The following BTBD7 variants were observed in gnomAD, a reference collection of about 807,000 sequenced individuals.
BTBD7 encodes the protein BTB domain containing 7, also known as BTB/POZ domain-containing protein 7.
A neutral mutation model predicts 99.9 loss-of-function variants in BTBD7; 38 were observed. The observed-to-expected ratio is 0.38, with a 90% confidence interval of 0.29 to 0.50. BTBD7 has a LOEUF of 0.50. Ranked by LOEUF, BTBD7 falls within the 20% of genes least tolerant of loss-of-function variation. The pLI, the probability that BTBD7 is intolerant of heterozygous loss-of-function variation, is 0.93. For synonymous variants in BTBD7, 520 were observed against 511.4 expected (o/e 1.02, Z -0.23); for missense variants, 1,170 against 1,394.6 (o/e 0.84, Z 2.57).
chr14:93,322,846 G>A (rs1174661834), intron 1 of BTBD7, among the ~76,000 whole-genome samples: 1 of 152,176 alleles, frequency 6.6e-6, no homozygotes, highest in African/African-American at 2.4e-5. Context: ...GGGTGATGTG[G>A]CTCATGCCTA....
At chr14:93,295,623 T>C (rs1190313776) in intron 2 of BTBD7, among the ~76,000 whole-genome samples, 1 of 152,230 alleles carries the variant, frequency 6.6e-6, no homozygotes, top group Non-Finnish European at 1.5e-5. Flanking sequence ...AATGTTTCTT[T>C]TTCTTCTTAA....
In BTBD7 at chr14:93,296,017, C is replaced by T. The variant is rs756126969; in HGVS notation, c.35G>A (p.Cys12Tyr). 3 of 1,614,080 alleles carry T rather than the reference C, an allele frequency of 1.9e-6. No individual in the cohort carries two copies. In the East Asian group the frequency reaches 6.7e-5, roughly 36 times the overall value. Residue 12 changes from cysteine to tyrosine, a missense_variant, in exon 2 of 11, where the codon TGT (cysteine) becomes TAT (tyrosine). Cys to Tyr is a radical substitution (Grantham distance 194). Coordinates refer to ENST00000334746, the MANE Select transcript of BTBD7 (RefSeq NM_001002860.4). ...GANASNYPHS[C>Y]SPRVGGNSQA... ...TGAATTTCCCCCTACCCTCGGGGAA[C>T]ATGAATGAGGATAATTAGATGCATT... is the stretch of plus-strand genomic sequence containing the variant.
chr14:93,300,390 T>C (rs2139780546), intron 1 of BTBD7, among the ~76,000 whole-genome samples: 1 of 151,856 alleles, frequency 6.6e-6, no homozygotes, highest in South Asian at 2.1e-4. Context: ...CCTGAGTAGC[T>C]AGGATTACAG....
At position 93,242,746 on chromosome 14, in the gene BTBD7, C is replaced by A. The variant is rs768130508; in HGVS notation, c.2926G>T (p.Asp976Tyr). Residue 976 changes from aspartate to tyrosine, a missense_variant, in exon 11 of 11, where the codon GAT (aspartate) becomes TAT (tyrosine). Asp to Tyr is a radical substitution (Grantham distance 160). This residue lies in a region of BTBD7 where 495 missense variants were observed against 525.9 expected (regional missense o/e 0.94). Coordinates refer to ENST00000334746, the MANE Select transcript of BTBD7 (RefSeq NM_001002860.4). ...GATGCCTTATTGTGGCTGTACAGAT[C>A]GGGACCAAAATATCCACCTTGCGAA... is the stretch of plus-strand genomic sequence containing the variant. ...SPSQGGYFGP[D>Y]LYSHNKASPS... 6 of 1,614,138 alleles carry A rather than the reference C, an allele frequency of 3.7e-6. No individual in the cohort carries two copies. The highest frequency in any genetic ancestry group is 1.3e-5 in the African/African-American group (1 of 75,018).
chr14:93,261,015 C>T lies in BTBD7; in HGVS notation c.1447+587G>A, dbSNP rs145460341. On this transcript the variant is annotated intron_variant, in intron 5 of 10. Transcript: ENST00000334746. ...AAGTGATTCTCATGCCTCAGTCTCC[C>T]GAGTAGCTGGGAGTACAGGCGCGTG... 5.8e-3 allele frequency among the ~76,000 whole-genome samples: 887 copies of T among 152,244 alleles called. 12 individuals carry two copies. Among genetic ancestry groups the T allele is most frequent in the Middle Eastern group, 0.051 (15 of 294 alleles).
intron 1 of BTBD7, among the ~76,000 whole-genome samples, chr14:93,301,613 C>A (rs1039949246): frequency 1.3e-5 from 2 of 152,120 alleles, no homozygotes; most frequent in African/African-American, 2.4e-5. Flanking sequence ...TTGCTTGTGC[C>A]AGGAGTTCGA....
chr14:93,330,618 C>T (rs1369125567), intron 1 of BTBD7, among the ~76,000 whole-genome samples: 1 of 152,218 alleles, frequency 6.6e-6, no homozygotes, highest in Non-Finnish European at 1.5e-5. Context: ...ATGGCAAAAA[C>T]TGCAGTTACT....
At chr14:93,266,256 C>T (rs182949350) in intron 3 of BTBD7, among the ~76,000 whole-genome samples, 95 of 151,946 alleles carry the variant, frequency 6.3e-4, no homozygotes, top group Middle Eastern at 3.4e-3. Flanking sequence ...AGCATTGAGC[C>T]GTAATCAAAG....
chr14:93,297,127 T>A (rs2052938286), intron 1 of BTBD7, among the ~76,000 whole-genome samples: 1 of 152,226 alleles, frequency 6.6e-6, no homozygotes, highest in South Asian at 2.1e-4. Flanking sequence ...AGCCTCACAA[T>A]GAAGTGTTTT....
rs1250896274 is a variant in BTBD7, at chr14:93,333,027, G to A, written c.-314C>T. On this transcript the variant is annotated 5_prime_UTR_variant, in exon 1 of 11. Transcript: ENST00000334746. ...CCCCTCGCCGCCATTTTGACTCCTA[G>A]ACGGAGCAGGAGGGGCTCGGTTCGG... 3.9e-6 allele frequency: 2 copies of A among 511,568 alleles called. No individual in the cohort carries two copies. The highest frequency in any genetic ancestry group is 6.7e-6 in the Non-Finnish European group (2 of 298,216). 31.7% of individuals were successfully genotyped at this position (511,568 alleles called of 1,614,324 possible).
intron 2 of BTBD7, 140 bp downstream of exon 2, chr14:93,295,830 T>C (rs2052919083): frequency 4.1e-6 from 3 of 735,702 alleles, no homozygotes; most frequent in Admixed American, 5.9e-5. Flanking sequence ...AGATTTACGT[T>C]TGTTGGGGGA....
intron 3 of BTBD7, among the ~76,000 whole-genome samples, chr14:93,267,531 C>T (rs914730123): frequency 3.3e-5 from 5 of 152,224 alleles, no homozygotes; most frequent in East Asian, 1.9e-4. Context: ...ACTTGCCCCA[C>T]GGCCTTCACC....
chr14:93,297,561 A>G (rs1318094026), intron 1 of BTBD7, among the ~76,000 whole-genome samples: 8 of 152,154 alleles, frequency 5.3e-5, no homozygotes, highest in Non-Finnish European at 7.3e-5. Flanking sequence ...GGCCAAGACC[A>G]GGAGTCTTGC....
At position 93,288,880 on chromosome 14, in the gene BTBD7, GT is replaced by G. The variant is rs2052812578; in HGVS notation, c.1162+4977del. 26 of 938,660 alleles carry G rather than the reference GT, an allele frequency of 2.8e-5. 1 individual carries two copies. The South Asian group carries it at 3.2e-4, about 11-fold the overall frequency. The allele number at this position is 938,660 out of a possible 1,614,324, so 58.1% of individuals were successfully genotyped here. A position where few individuals can be genotyped will look rare whatever the true frequency, so the allele number is the denominator to read the frequency against. Reference sequence around the variant, plus strand: ...TTGCCTGGCTGGTATTACAGCAGGGGTTAAGGAAGTAGGTGATTTCACCATA... The same window carrying G: ...TTGCCTGGCTGGTATTACAGCAGGGGTAAGGAAGTAGGTGATTTCACCATA... On this transcript the variant is annotated intron_variant, in intron 3 of 10. Coordinates refer to ENST00000334746, the MANE Select transcript of BTBD7 (RefSeq NM_001002860.4).
At chr14:93,255,398 T>A (rs2052418350) in intron 6 of BTBD7, 1 of 152,184 alleles carries the variant, frequency 6.6e-6, no homozygotes, top group African/African-American at 2.4e-5. Flanking sequence ...CTGCCTGTCT[T>A]GGCCTCTGAA....
chr14:93,251,348 A>G, intron 8 of BTBD7, 115 bp downstream of exon 8: 1 of 1,149,080 alleles, frequency 8.7e-7, no homozygotes, highest in South Asian at 2.2e-5. Flanking sequence ...AACAAGGCAT[A>G]AAAAGTATTG....
intron 1 of BTBD7, among the ~76,000 whole-genome samples, chr14:93,331,666 A>G (rs2053414861): frequency 6.6e-6 from 1 of 152,192 alleles, no homozygotes; most frequent in Non-Finnish European, 1.5e-5. Context: ...GGATCACCAG[A>G]GGTCAGGAGC....
At chr14:93,288,264 T>C (rs1835298480) in intron 3 of BTBD7, 1 of 507,486 alleles carries the variant, frequency 2.0e-6, no homozygotes, top group Admixed American at 3.7e-5. Context: ...TGGTATATAT[T>C]TCTAAAGCCA....
Position 93,253,020 on chromosome 14 carries a change from G to T in BTBD7, c.1752+627C>A, listed in dbSNP as rs142415946. On this transcript the variant is annotated intron_variant, in intron 7 of 10. Coordinates refer to ENST00000334746, the MANE Select transcript of BTBD7 (RefSeq NM_001002860.4). ...TCCTTTTAGTTTTTGGTAGAGTTGGGGTTTTACCATGTTGCCCAGGATGGA... is the reference window on the plus strand; with the variant it reads ...TCCTTTTAGTTTTTGGTAGAGTTGGTGTTTTACCATGTTGCCCAGGATGGA... Among the ~76,000 whole-genome samples the T allele has an allele frequency of 2.3e-3, 354 of 151,976 alleles. 1 individual carries two copies. The highest frequency in any genetic ancestry group is 5.6e-3 in the South Asian group (27 of 4,818).
Sources: allele counts gnomAD v4.1 joint callset (sites outside exome capture counted in the v4.1 genomes callset), GRCh38; gene constraint gnomAD v4.1.1; regional missense constraint gnomAD v4.1.1; transcripts MANE v1.5; gene names NCBI Gene and HGNC (gene_info 2026-07-23, HGNC 2026-07-21).